TMEM117: variants seen among roughly 807,000 people sequenced by gnomAD.
TMEM117 encodes the protein transmembrane protein 117.
In TMEM117, 27 loss-of-function variants were observed where a neutral mutation model predicts 52.4. That is an observed-to-expected ratio of 0.51 (90% confidence interval 0.38 to 0.71). TMEM117 has a LOEUF of 0.71. TMEM117 is among the 30% of genes least tolerant of loss of function. The pLI, the probability that TMEM117 is intolerant of heterozygous loss-of-function variation, is 0.00. For missense variants in TMEM117, 556 were observed against 630.5 expected (o/e 0.88, Z 1.26); for synonymous variants, 215 against 206.3 (o/e 1.04, Z -0.36).
intron 7 of TMEM117, among the ~76,000 whole-genome samples, chr12:44,384,104 G>T (rs1247861856): frequency 6.6e-6 from 1 of 152,080 alleles, no homozygotes; most frequent in Non-Finnish European, 1.5e-5. Context: ...ATCTGATAGG[G>T]CAAAAGGAAT....
intron 2 of TMEM117, 65 bp from the exon 3 acceptor site, chr12:43,944,145 A>G: frequency 2.2e-6 from 3 of 1,391,528 alleles, no homozygotes; most frequent in Non-Finnish European, 9.9e-7. Flanking sequence ...TCATTAAAAT[A>G]AAGCAAAGAT....
chr12:44,203,439 G>A (rs2112147), intron 4 of TMEM117, among the ~76,000 whole-genome samples: 36,929 of 151,880 alleles, frequency 0.24, 7,944 homozygotes, highest in African/African-American at 0.58. Flanking sequence ...ATGGATTTTC[G>A]TGTCTCAAAT....
intron 3 of TMEM117, among the ~76,000 whole-genome samples, chr12:44,033,821 T>C (rs182411405): frequency 5.8e-4 from 88 of 152,332 alleles, no homozygotes; most frequent in Non-Finnish European, 2.9e-4. Flanking sequence ...TGATTGGAGA[T>C]GGATAGTGGA....
At chr12:44,361,114 A>T (rs567277309) in intron 6 of TMEM117, among the ~76,000 whole-genome samples, 3 of 152,216 alleles carry the variant, frequency 2.0e-5, no homozygotes, top group African/African-American at 7.2e-5. Context: ...CTAAAAGACA[A>T]TTAATCTAAA....
chr12:43,952,593 T>A (rs1217912447), intron 3 of TMEM117, among the ~76,000 whole-genome samples: 1 of 151,638 alleles, frequency 6.6e-6, no homozygotes, highest in Admixed American at 6.6e-5. Context: ...GATTAGAGAA[T>A]AAAGAATGTG....
chr12:43,905,044 G>A (rs182775917), intron 2 of TMEM117, among the ~76,000 whole-genome samples: 14 of 152,244 alleles, frequency 9.2e-5, no homozygotes, highest in African/African-American at 3.4e-4. Context: ...TTGGGAGGCT[G>A]AGGCAGGAGG....
At chr12:44,373,193 C>G (rs1951888436) in intron 6 of TMEM117, among the ~76,000 whole-genome samples, 1 of 152,226 alleles carries the variant, frequency 6.6e-6, no homozygotes, top group African/African-American at 2.4e-5. Flanking sequence ...AGCAGTGTCT[C>G]CCTCACACTT....
intron 6 of TMEM117, among the ~76,000 whole-genome samples, chr12:44,323,521 T>C (rs1951159424): frequency 1.3e-5 from 2 of 152,172 alleles, no homozygotes; most frequent in South Asian, 2.1e-4. Context: ...CCTATTTCTT[T>C]ATTGAGGTTT....
At chr12:44,023,553 A>C (rs1946485957) in intron 3 of TMEM117, among the ~76,000 whole-genome samples, 1 of 151,926 alleles carries the variant, frequency 6.6e-6, no homozygotes, top group Non-Finnish European at 1.5e-5. Flanking sequence ...TGTGGTTTTG[A>C]TTCGCATTTC....
At chr12:44,100,235 C>CTGT (rs1947838840) in intron 3 of TMEM117, among the ~76,000 whole-genome samples, 4 of 151,896 alleles carry the variant, frequency 2.6e-5, no homozygotes, top group Admixed American at 1.3e-4. Context: ...ATGGGAATCA[C>CTGT]TAGCATTCTG....
intron 3 of TMEM117, among the ~76,000 whole-genome samples, chr12:44,134,552 A>G (rs944534799): frequency 4.6e-5 from 7 of 152,192 alleles, no homozygotes; most frequent in African/African-American, 1.7e-4. Flanking sequence ...GATTTAAACA[A>G]AAGTTAAATT....
chr12:43,897,803 G>A (rs571527939), intron 2 of TMEM117, among the ~76,000 whole-genome samples: 1 of 152,092 alleles, frequency 6.6e-6, no homozygotes, highest in African/African-American at 2.4e-5. Context: ...CAGAGGTGAG[G>A]TGTCACCATG....
chr12:43,799,028 A>G, the TMEM117 span, among the ~76,000 whole-genome samples: 1 of 152,206 alleles, frequency 6.6e-6, no homozygotes, highest in Middle Eastern at 3.4e-3. Flanking sequence ...AAAGCCAACA[A>G]AACAATAATC....
chr12:43,951,496 G>A (rs1353737759), intron 3 of TMEM117, among the ~76,000 whole-genome samples: 2 of 152,106 alleles, frequency 1.3e-5, no homozygotes, highest in African/African-American at 4.8e-5. Flanking sequence ...TAGGTGGTTT[G>A]GGAGGTTTGG....
At chr12:44,398,254 C>T in the TMEM117 span, among the ~76,000 whole-genome samples, 2 of 152,076 alleles carry the variant, frequency 1.3e-5, no homozygotes, top group South Asian at 4.1e-4. Flanking sequence ...TGAGGAGTAG[C>T]TGCCAAAGAA....
intron 3 of TMEM117, among the ~76,000 whole-genome samples, chr12:44,022,385 G>T (rs1946468663): frequency 6.6e-6 from 1 of 152,184 alleles, no homozygotes; most frequent in Non-Finnish European, 1.5e-5. Context: ...CTGGCCTCAT[G>T]ACTTGGGCGT....
chr12:43,955,620 C>T (rs144455883), intron 3 of TMEM117, among the ~76,000 whole-genome samples: 24 of 151,946 alleles, frequency 1.6e-4, no homozygotes, highest in African/African-American at 2.2e-4. Flanking sequence ...AACTACAGAC[C>T]GGTCAAGGAA....
intron 4 of TMEM117, among the ~76,000 whole-genome samples, chr12:44,170,304 G>C (rs1949027122): frequency 2.0e-5 from 2 of 102,130 alleles, no homozygotes; most frequent in Non-Finnish European, 3.7e-5. Flanking sequence ...GGGGGTGGGG[G>C]GAGGGGGGAG....
chr12:44,379,704 G>C (rs545576288), intron 7 of TMEM117, among the ~76,000 whole-genome samples: 1 of 152,220 alleles, frequency 6.6e-6, no homozygotes, highest in African/African-American at 2.4e-5. Flanking sequence ...CCAAAATACT[G>C]TGCTACATGC....
Sources: allele counts gnomAD v4.1 joint callset (sites outside exome capture counted in the v4.1 genomes callset), GRCh38; gene constraint gnomAD v4.1.1; transcripts MANE v1.5; gene names NCBI Gene and HGNC (gene_info 2026-07-23, HGNC 2026-07-21).